ACCSL: variants seen among roughly 807,000 people sequenced by gnomAD.
ACCSL encodes probable inactive 1-aminocyclopropane-1-carboxylate synthase-like protein 2.
ACCSL carries 55 observed loss-of-function variants against 61.7 expected under a neutral mutation model. The observed-to-expected ratio is 0.89, with a 90% confidence interval of 0.72 to 1.12. The LOEUF (loss-of-function observed/expected upper bound fraction) is 1.12. Ranked by LOEUF, ACCSL falls within the 50% of genes most tolerant of loss-of-function variation. ACCSL has a pLI of 0.00. For synonymous variants in ACCSL, 258 were observed against 264.3 expected (o/e 0.98, Z 0.23); for missense variants, 632 against 698.0 (o/e 0.91, Z 1.07).
chr11:43,997,160 AT>A, the ACCSL span, among the ~76,000 whole-genome samples: 1 of 151,114 alleles, frequency 6.6e-6, no homozygotes, highest in African/African-American at 2.4e-5. Context: ...TAAAAAAAAA[AT>A]CCCAATGTCC....
the ACCSL span, among the ~76,000 whole-genome samples, chr11:44,004,912 G>A: frequency 3.9e-5 from 6 of 152,146 alleles, no homozygotes; most frequent in African/African-American, 1.4e-4. Context: ...TCGAGGGGAT[G>A]CAACTTCCTA....
At chr11:43,975,245 T>C in the ACCSL span, among the ~76,000 whole-genome samples, 1 of 152,172 alleles carries the variant, frequency 6.6e-6, no homozygotes, top group Non-Finnish European at 1.5e-5. Context: ...TCAACACTGT[T>C]AAGTATGAAG....
chr11:43,928,022 G>T, the ACCSL span, among the ~76,000 whole-genome samples: 1 of 152,242 alleles, frequency 6.6e-6, no homozygotes, highest in Non-Finnish European at 1.5e-5. Flanking sequence ...CTTAGAGCTG[G>T]CAGAATATGA....
At chr11:43,933,429 G>T in the ACCSL span, 9 of 258,082 alleles carry the variant, frequency 3.5e-5, no homozygotes. Context: ...TGTGACCTTG[G>T]TCTTGTTCCC....
the ACCSL span, among the ~76,000 whole-genome samples, chr11:43,953,199 G>A: frequency 6.6e-6 from 1 of 152,122 alleles, no homozygotes. Context: ...ACAAGTGCAG[G>A]TCACACAGAC....
chr11:44,041,665 A>C, the ACCSL span, among the ~76,000 whole-genome samples: 1 of 152,170 alleles, frequency 6.6e-6, no homozygotes, highest in Non-Finnish European at 1.5e-5. Flanking sequence ...TAGTCTGTAG[A>C]TAGTGATAGT....
chr11:44,034,563 G>A, the ACCSL span, among the ~76,000 whole-genome samples: 1 of 18,832 alleles, frequency 5.3e-5, no homozygotes, highest in Non-Finnish European at 9.7e-5. Context: ...GCAAGCAAGA[G>A]AGAGAGAGAG....
At chr11:43,954,654 G>A in the ACCSL span, among the ~76,000 whole-genome samples, 13 of 151,302 alleles carry the variant, frequency 8.6e-5, no homozygotes, top group South Asian at 2.1e-4. Context: ...GTGCTATCTC[G>A]GCTCACTGCA....
the ACCSL span, among the ~76,000 whole-genome samples, chr11:43,948,066 G>A: frequency 2.0e-5 from 3 of 152,196 alleles, no homozygotes; most frequent in Non-Finnish European, 4.4e-5. Context: ...GGCCATCCCA[G>A]CTCTGGCCAA....
At chr11:43,938,392 T>A in the ACCSL span, among the ~76,000 whole-genome samples, 5 of 152,238 alleles carry the variant, frequency 3.3e-5, no homozygotes, top group African/African-American at 1.2e-4. Context: ...AACAATTCCT[T>A]CAGAAACATA....
At chr11:44,016,228 T>C in the ACCSL span, among the ~76,000 whole-genome samples, 1 of 152,168 alleles carries the variant, frequency 6.6e-6, no homozygotes, top group East Asian at 1.9e-4. Flanking sequence ...GGTGGGCCAG[T>C]CAGGGACACA....
the ACCSL span, chr11:43,945,316 G>A: frequency 2.6e-5 from 4 of 152,286 alleles, no homozygotes; most frequent in Non-Finnish European, 4.4e-5. Flanking sequence ...CCACGGAGTG[G>A]GAGGAACTTC....
the ACCSL span, chr11:43,945,554 C>A: frequency 1.5e-5 from 2 of 129,228 alleles, no homozygotes; most frequent in Non-Finnish European, 3.4e-5. Context: ...CGCGGAAGAA[C>A]CTCCTTCTCA....
At chr11:44,005,040 C>T in the ACCSL span, among the ~76,000 whole-genome samples, 1 of 144,324 alleles carries the variant, frequency 6.9e-6, no homozygotes, top group Admixed American at 6.7e-5. Flanking sequence ...CTTCAGAACA[C>T]CCAGCCCGGC....
chr11:44,051,551 G>T, intron 4 of ACCSL, 102 bp from the exon 5 acceptor site: 2 of 1,545,152 alleles, frequency 1.3e-6, no homozygotes, highest in East Asian at 2.2e-5. Flanking sequence ...CAACTGAGGA[G>T]GCTCCCTGTG....
At chr11:43,990,115 C>A in the ACCSL span, among the ~76,000 whole-genome samples, 1 of 152,220 alleles carries the variant, frequency 6.6e-6, no homozygotes, top group African/African-American at 2.4e-5. Flanking sequence ...AGATCTGTAA[C>A]CTCTCACCTC....
chr11:43,944,011 G>A, the ACCSL span: 2 of 526,410 alleles, frequency 3.8e-6, no homozygotes, highest in Non-Finnish European at 5.9e-6. Context: ...CACAAGCTTC[G>A]GTCACCGGAA....
At chr11:43,944,023 G>A in the ACCSL span, 1 of 469,924 alleles carries the variant, frequency 2.1e-6, no homozygotes, top group South Asian at 2.1e-5. Context: ...TCACCGGAAC[G>A]AGGTTGCGCC....
the ACCSL span, among the ~76,000 whole-genome samples, chr11:43,985,494 T>G: frequency 6.6e-6 from 1 of 152,214 alleles, no homozygotes; most frequent in African/African-American, 2.4e-5. Context: ...CAGTGGCTTC[T>G]GCCCATTCAG....
Sources: allele counts gnomAD v4.1 joint callset (sites outside exome capture counted in the v4.1 genomes callset), GRCh38; gene constraint gnomAD v4.1.1; transcripts MANE v1.5; gene names NCBI Gene and HGNC (gene_info 2026-07-23, HGNC 2026-07-21).